The following RAB11FIP4 variants were observed in gnomAD, a reference collection of about 807,000 sequenced individuals.
RAB11FIP4 encodes the protein RAB11 family interacting protein 4.
Under a neutral mutation model 74.3 loss-of-function variants are expected in RAB11FIP4, and 23 were observed. That is an observed-to-expected ratio of 0.31 (90% CI 0.22 to 0.44). RAB11FIP4 has a LOEUF of 0.44. Among genes scored for constraint, RAB11FIP4 ranks in the 20% least tolerant of loss-of-function variants. The probability of loss-of-function intolerance (pLI) is 1.00; values close to 1 mark genes in which losing one functional copy is unlikely to be tolerated. For missense variants in RAB11FIP4, 630 were observed against 863.9 expected (o/e 0.73, Z 3.39); for synonymous variants, 360 against 359.9 (o/e 1.00, Z 0.00).
intron 4 of RAB11FIP4, among the ~76,000 whole-genome samples, chr17:31,520,293 G>A (rs1463324563): frequency 6.6e-6 from 1 of 152,018 alleles, no homozygotes; most frequent in African/African-American, 2.4e-5. Flanking sequence ...TGTCCACAGG[G>A]GGTCCTGGAA....
chr17:31,399,352 T>C (rs2070962506), intron 1 of RAB11FIP4, among the ~76,000 whole-genome samples: 2 of 152,160 alleles, frequency 1.3e-5, no homozygotes, highest in Non-Finnish European at 2.9e-5. Flanking sequence ...GCGCTGAAAT[T>C]TTTATAGAGT....
At chr17:31,517,191 C>CGGGGGGGGGGGGGGGGGGGGGGGGG (rs537395833) in intron 3 of RAB11FIP4, among the ~76,000 whole-genome samples, 1 of 42,700 alleles carries the variant, frequency 2.3e-5, no homozygotes, top group African/African-American at 7.4e-5. Context: ...GGAGGCGGTG[C>CGGGGGGGGGGGGGGGGGGGGGGGGG]GGGGGGGGGG....
At chr17:31,431,627 C>A in intron 1 of RAB11FIP4, 186 bp from the exon 2 acceptor site, 1 of 542,616 alleles carries the variant, frequency 1.8e-6, no homozygotes, top group Non-Finnish European at 3.2e-6. Context: ...TTTTCTTTGC[C>A]CGAGTTGTCT....
intron 3 of RAB11FIP4, among the ~76,000 whole-genome samples, chr17:31,494,533 G>T (rs1431162864): frequency 1.3e-5 from 2 of 152,126 alleles, no homozygotes; most frequent in African/African-American, 4.8e-5. Flanking sequence ...CAAACAGGAA[G>T]GTGGCAGCGG....
chr17:31,480,404 A>G (rs1345521709), intron 3 of RAB11FIP4, among the ~76,000 whole-genome samples: 1 of 152,172 alleles, frequency 6.6e-6, no homozygotes, highest in East Asian at 1.9e-4. Flanking sequence ...TGTTTTGGCC[A>G]GAGAGTGGAT....
intron 3 of RAB11FIP4, among the ~76,000 whole-genome samples, chr17:31,472,965 G>A (rs1052106944): frequency 6.6e-6 from 1 of 151,904 alleles, no homozygotes; most frequent in African/African-American, 2.4e-5. Flanking sequence ...CCTGGGAGGT[G>A]GAGGTTGCAG....
chr17:31,511,726 C>T (rs1276827427), intron 3 of RAB11FIP4, among the ~76,000 whole-genome samples: 8 of 152,202 alleles, frequency 5.3e-5, no homozygotes, highest in South Asian at 2.1e-4. Flanking sequence ...ATGCTGCATC[C>T]GCTCTGAGAG....
intron 3 of RAB11FIP4, chr17:31,488,257 A>C (rs1027333613): frequency 8.5e-7 from 1 of 1,169,778 alleles, no homozygotes; most frequent in East Asian, 3.9e-5. Context: ...GCACCCCGCC[A>C]GCTCTCGGGA....
At position 31,537,201 on chromosome 17, in the gene RAB11FIP4, C is replaced by A. The variant is rs1335626490; in HGVS notation, c.*5469C>A. 1.3e-5 allele frequency: 5 copies of A among 399,368 alleles called. No homozygotes were observed. The highest frequency in any genetic ancestry group is 6.2e-5 in the African/African-American group (3 of 48,644). The allele number at this position is 399,368 out of a possible 1,614,324, so 24.7% of individuals were successfully genotyped here. ...TTGCCCACTGCCTCCTTTTCTACATCGTCTCATCTCCCTGGCCTTTCCCGA... is the reference window on the plus strand; with the variant it reads ...TTGCCCACTGCCTCCTTTTCTACATAGTCTCATCTCCCTGGCCTTTCCCGA... On this transcript the variant is annotated 3_prime_UTR_variant, in exon 15 of 15. Coordinates refer to ENST00000621161, the MANE Select transcript of RAB11FIP4 (RefSeq NM_032932.6).
rs1026181314 is a variant in RAB11FIP4 at position 31,512,373 on chromosome 17, A to C, written c.337-5278A>C. ...CTTGTCCAAGGTCACATGGCTTGTA[A>C]GTGGCTGGGCCAGCAGGGCCGGAAA... On this transcript the variant is annotated intron_variant, in intron 3 of 14. Coordinates refer to ENST00000621161, the MANE Select transcript of RAB11FIP4 (RefSeq NM_032932.6). The surrounding 1 kb of genome is among the most constrained non-coding windows in gnomAD (Gnocchi z 4.1). Among the ~76,000 whole-genome samples, 2 of 152,152 alleles carry C rather than the reference A, an allele frequency of 1.3e-5. No individual in the cohort carries two copies. The highest frequency in any genetic ancestry group is 2.9e-5 in the Non-Finnish European group (2 of 67,992).
intron 3 of RAB11FIP4, among the ~76,000 whole-genome samples, chr17:31,466,716 C>T (rs1406308904): frequency 6.6e-6 from 1 of 152,194 alleles, no homozygotes; most frequent in African/African-American, 2.4e-5. Context: ...CCTTCCTACA[C>T]ACTCTGGGGT....
At chr17:31,511,705 G>A (rs779088495) in intron 3 of RAB11FIP4, among the ~76,000 whole-genome samples, 11 of 152,240 alleles carry the variant, frequency 7.2e-5, no homozygotes, top group Non-Finnish European at 1.5e-4. Context: ...GGTGGGGAGG[G>A]AGAGGACCAG....
At chr17:31,410,400 T>C (rs922823763) in intron 1 of RAB11FIP4, among the ~76,000 whole-genome samples, 3 of 151,902 alleles carry the variant, frequency 2.0e-5, no homozygotes, top group African/African-American at 7.3e-5. Flanking sequence ...ATTGAAAAGG[T>C]GGTATTGCAT....
At chr17:31,468,990 G>C (rs568632544) in intron 3 of RAB11FIP4, among the ~76,000 whole-genome samples, 1 of 152,210 alleles carries the variant, frequency 6.6e-6, no homozygotes, top group Admixed American at 6.5e-5. Context: ...TGATAGGACT[G>C]TGAGGGATTA....
At chr17:31,515,031 G>A (rs2072521029) in intron 3 of RAB11FIP4, among the ~76,000 whole-genome samples, 1 of 152,172 alleles carries the variant, frequency 6.6e-6, no homozygotes, top group African/African-American at 2.4e-5. Flanking sequence ...CCCTCTGGCT[G>A]GAGGACTTCT....
At chr17:31,420,309 C>A (rs1437368246) in intron 1 of RAB11FIP4, among the ~76,000 whole-genome samples, 1 of 152,170 alleles carries the variant, frequency 6.6e-6, no homozygotes, top group Non-Finnish European at 1.5e-5. Flanking sequence ...AGGCTCACTG[C>A]AGCCTTGACC....
chr17:31,523,177 C>T lies in RAB11FIP4; in HGVS notation c.930-335C>T, dbSNP rs981644721. The T allele has an allele frequency of 5.2e-5, 19 of 363,160 alleles. No homozygotes were observed. In the South Asian group the frequency reaches 5.7e-4, roughly 11 times the overall value. 22.5% of individuals were successfully genotyped at this position (363,160 alleles called of 1,614,324 possible). A position where few individuals can be genotyped will look rare whatever the true frequency, so the allele number is the denominator to read the frequency against. On this transcript the variant is annotated intron_variant, in intron 7 of 14. Transcript: ENST00000621161. ...GGCTACCTCCTTGGGGGCTTCCCCA[C>T]TGGAAGAGGAGGGGGCTCACGTGCC...
chr17:31,503,887 G>A (rs2072267892), intron 3 of RAB11FIP4, among the ~76,000 whole-genome samples: 1 of 149,572 alleles, frequency 6.7e-6, no homozygotes, highest in Admixed American at 6.6e-5. Context: ...CAAAAAATCA[G>A]CAAAAGATCC....
chr17:31,406,590 C>T (rs1459723944), intron 1 of RAB11FIP4, among the ~76,000 whole-genome samples: 6 of 152,216 alleles, frequency 3.9e-5, no homozygotes, highest in Admixed American at 3.3e-4. Flanking sequence ...AATGGTATTT[C>T]ACATCTTGTT....
Sources: allele counts gnomAD v4.1 joint callset (sites outside exome capture counted in the v4.1 genomes callset), GRCh38; gene constraint gnomAD v4.1.1; non-coding constraint Gnocchi (gnomAD v3.1); transcripts MANE v1.5; gene names NCBI Gene and HGNC (gene_info 2026-07-23, HGNC 2026-07-21).